The following CPSF6 variants were observed in gnomAD, a reference collection of about 807,000 sequenced individuals.
CPSF6 encodes the protein cleavage and polyadenylation specificity factor subunit 6.
A neutral mutation model predicts 56.7 loss-of-function variants in CPSF6; 10 were observed. That is an observed-to-expected ratio of 0.18 (90% CI 0.11 to 0.30). CPSF6 has a LOEUF of 0.30. Among genes scored for constraint, CPSF6 ranks in the 10% least tolerant of loss-of-function variants. The pLI, the probability that CPSF6 is intolerant of heterozygous loss-of-function variation, is 1.00. For synonymous variants in CPSF6, 248 were observed against 244.8 expected (o/e 1.01, Z -0.12); for missense variants, 419 against 722.9 (o/e 0.58, Z 4.82).
intron 2 of CPSF6, 57 bp from the exon 3 acceptor site, chr12:69,252,994 G>T (rs1872323387): frequency 1.0e-6 from 1 of 955,484 alleles, no homozygotes; most frequent in South Asian, 1.8e-5. Flanking sequence ...ACTAGACTGG[G>T]ATAATAAAAA....
At position 69,258,850 on chromosome 12, in the gene CPSF6, C is replaced by T; in HGVS notation, c.955C>T (p.Pro319Ser). ...PPPPQQGPPPPPGPFPPRPPG... is the reference protein window; with the variant it reads ...PPPPQQGPPPSPGPFPPRPPG... ...ACCTCCACAACAGGGACCACCTCCA[C>T]CTCCAGGCCCCTTTCCACCTCGTCC... The change falls in exon 6 of 10, where the codon CCT becomes TCT. Residue 319 changes from proline (P) to serine (S), a missense_variant. Pro to Ser is a moderately conservative substitution (Grantham distance 74). Around this residue, in one of 4 missense-constraint regions of CPSF6, gnomAD observed 211 missense variants for 296.0 expected, o/e 0.71. Coordinates refer to ENST00000435070, the MANE Select transcript of CPSF6 (RefSeq NM_007007.3). The surrounding 1 kb of genome is among the most constrained non-coding windows in gnomAD (Gnocchi z 4.2). 2 of 1,614,120 alleles carry T rather than the reference C, an allele frequency of 1.2e-6. No individual in the cohort carries two copies. Among genetic ancestry groups the T allele is most frequent in the African/African-American group, 1.3e-5 (1 of 75,036 alleles).
chr12:69,260,095 A>G lies in CPSF6; in HGVS notation c.1367A>G (p.Lys456Arg). ...ETLVTAISLI[K>R]QSKVSADDRC... ...CTGGTAACTGCAATTTCTTTAATTA[A>G]ACAATCCAAAGTATCTGCTGATGAT... Residue 456 changes from lysine to arginine, a missense_variant, in exon 8 of 10, where the codon AAA (lysine) becomes AGA (arginine). By Grantham distance (26) the Lys-to-Arg change is conservative (BLOSUM62 2). Around this residue, in one of 4 missense-constraint regions of CPSF6, gnomAD observed 81 missense variants for 193.6 expected, o/e 0.42. Coordinates refer to ENST00000435070, the MANE Select transcript of CPSF6 (RefSeq NM_007007.3). 1 of 1,613,524 alleles carries G rather than the reference A, an allele frequency of 6.2e-7. No individual in the cohort carries two copies. Among genetic ancestry groups the G allele is most frequent in the Non-Finnish European group, 8.5e-7 (1 of 1,179,684 alleles).
At chr12:69,263,573 C>T (rs1046542551) in intron 9 of CPSF6, among the ~76,000 whole-genome samples, 1 of 151,976 alleles carries the variant, frequency 6.6e-6, no homozygotes. Flanking sequence ...ACAAACCCCT[C>T]ATAGGTAAAT....
chr12:69,257,671 G>T, intron 4 of CPSF6, 61 bp from the exon 5 acceptor site: 1 of 1,444,840 alleles, frequency 6.9e-7, no homozygotes, highest in Non-Finnish European at 9.5e-7. Flanking sequence ...TAATAATAGT[G>T]GTTACATTTC....
At chr12:69,262,328 C>A in intron 8 of CPSF6, 45 bp from the exon 9 acceptor site, 1 of 1,469,102 alleles carries the variant, frequency 6.8e-7, no homozygotes, top group Admixed American at 2.2e-5. Flanking sequence ...TATTTTTAGG[C>A]TATCTAATTA....
intron 1 of CPSF6, among the ~76,000 whole-genome samples, chr12:69,240,437 G>A (rs1871554185): frequency 6.6e-6 from 1 of 152,178 alleles, no homozygotes. Context: ...ATTAATCCAG[G>A]GCTTGCAGTG....
At chr12:69,257,426 A>G (rs999697358) in intron 4 of CPSF6, among the ~76,000 whole-genome samples, 1 of 152,200 alleles carries the variant, frequency 6.6e-6, no homozygotes, top group Non-Finnish European at 1.5e-5. Flanking sequence ...AATTTAAATG[A>G]TGTAATACTG....
chr12:69,262,709 T>G (rs1425177424), intron 9 of CPSF6, 147 bp downstream of exon 9: 4 of 1,044,290 alleles, frequency 3.8e-6, no homozygotes, highest in Non-Finnish European at 5.1e-6. Flanking sequence ...TGAAACAAAT[T>G]ATAGGTAAGT....
At chr12:69,262,283 GCTGC>G (rs1872774512) in intron 8 of CPSF6, 86 bp from the exon 9 acceptor site, 4 of 1,411,772 alleles carry the variant, frequency 2.8e-6, no homozygotes, top group Non-Finnish European at 3.7e-6. Flanking sequence ...AAGAATTTTT[GCTGC>G]CTAAGTTTTT....
In CPSF6 at chr12:69,249,210, GC is replaced by G. The variant is rs571088281; in HGVS notation, c.61-1918del. Among the ~76,000 whole-genome samples, 4 of 138,726 alleles carry G rather than the reference GC, an allele frequency of 2.9e-5. No individual in the cohort carries two copies. The East Asian group carries it at 8.4e-4, about 29-fold the overall frequency. The allele number at this position is 138,726 out of a possible 152,430, so 91.0% of individuals were successfully genotyped here. ...GGCGTGAACCCAGGAGGCGGAGCTTGCAGTGAGCCGAGATTGCGCCACTGCA... is the reference window on the plus strand; with the variant it reads ...GGCGTGAACCCAGGAGGCGGAGCTTGAGTGAGCCGAGATTGCGCCACTGCA... On this transcript the variant is annotated intron_variant, in intron 1 of 9. Transcript: ENST00000435070.
chr12:69,247,614 C>CT (rs1057232221), intron 1 of CPSF6, among the ~76,000 whole-genome samples: 1 of 151,652 alleles, frequency 6.6e-6, no homozygotes, highest in Non-Finnish European at 1.5e-5. Flanking sequence ...AACTGGAAAC[C>CT]TTTTTTTTAG....
At chr12:69,259,224 C>T in intron 6 of CPSF6, 130 bp downstream of exon 6, 1 of 1,247,580 alleles carries the variant, frequency 8.0e-7, no homozygotes, top group Non-Finnish European at 1.1e-6. Flanking sequence ...AAGCTGCTAC[C>T]CTGTTTTAGC....
chr12:69,264,538 A>G (rs180764784), intron 9 of CPSF6, among the ~76,000 whole-genome samples: 1 of 152,124 alleles, frequency 6.6e-6, no homozygotes, highest in African/African-American at 2.4e-5. Context: ...CAAATTCCTA[A>G]TGTGCAAACT....
rs528265706 is a variant in CPSF6 at position 69,261,181 on chromosome 12, T to C, written c.1469+984T>C. Among the ~76,000 whole-genome samples, 33 of 152,366 alleles carry C rather than the reference T, an allele frequency of 2.2e-4. 1 individual carries two copies. Among genetic ancestry groups the C allele is most frequent in the African/African-American group, 7.5e-4 (31 of 41,588 alleles). On this transcript the variant is annotated intron_variant, in intron 8 of 9. Transcript: ENST00000435070. ...AAGAGAAAAGAGCTTGCCTTTGACA[T>C]GGTCCCCAGTTTTGTAATTATTACC...
intron 3 of CPSF6, among the ~76,000 whole-genome samples, chr12:69,255,754 G>A (rs748167894): frequency 6.6e-6 from 1 of 152,126 alleles, no homozygotes; most frequent in Non-Finnish European, 1.5e-5. Flanking sequence ...GGTCAGGCTG[G>A]TCTTGAACTC....
At chr12:69,257,945 A>G in intron 5 of CPSF6, 40 bp downstream of exon 5, 1 of 1,592,100 alleles carries the variant, frequency 6.3e-7, no homozygotes, top group Non-Finnish European at 8.6e-7. Flanking sequence ...AAACATGTCT[A>G]CCTAATACCT....
At chr12:69,247,794 A>G (rs1871992271) in intron 1 of CPSF6, among the ~76,000 whole-genome samples, 2 of 152,204 alleles carry the variant, frequency 1.3e-5, no homozygotes, top group Admixed American at 1.3e-4. Flanking sequence ...TATGAAGCTG[A>G]TTAAAAGGAA....
intron 1 of CPSF6, among the ~76,000 whole-genome samples, chr12:69,247,898 T>G (rs1019995889): frequency 6.6e-6 from 1 of 152,214 alleles, no homozygotes; most frequent in Non-Finnish European, 1.5e-5. Flanking sequence ...TCACAAAGTT[T>G]AAATGTATAC....
chr12:69,244,884 G>A (rs1592791876), intron 1 of CPSF6, among the ~76,000 whole-genome samples: 1 of 152,076 alleles, frequency 6.6e-6, no homozygotes, highest in Non-Finnish European at 1.5e-5. Context: ...AATACGTGGT[G>A]AAGGACTGAC....
Sources: gnomAD v4.1 joint callset for allele counts (sites outside exome capture counted in the v4.1 genomes callset) on GRCh38, gnomAD v4.1.1 for gene constraint, gnomAD v4.1.1 regional missense constraint, Gnocchi (gnomAD v3.1) non-coding constraint, MANE v1.5 for transcripts, NCBI Gene and HGNC (gene_info 2026-07-23, HGNC 2026-07-21) for gene names.